The following HELB variants were observed in gnomAD, a reference collection of about 807,000 sequenced individuals.
HELB encodes the protein DNA helicase B.
In HELB, 96 loss-of-function variants were observed where a neutral mutation model predicts 101.7. The ratio of observed to expected loss-of-function variants is 0.94; its 90% CI spans 0.80 to 1.12. The LOEUF (loss-of-function observed/expected upper bound fraction) is 1.12. HELB is among the 50% of genes most tolerant of loss of function. The pLI, the probability that HELB is intolerant of heterozygous loss-of-function variation, is 0.00. For synonymous variants in HELB, 437 were observed against 459.7 expected, an observed-to-expected ratio of 0.95 and a Z score of 0.63; for missense variants, 1,210 against 1,291.9, an observed-to-expected ratio of 0.94 and a Z score of 0.97.
intron 4 of HELB, among the ~76,000 whole-genome samples, chr12:66,313,481 TAATA>T (rs1592635420): frequency 6.6e-6 from 1 of 152,196 alleles, no homozygotes. Flanking sequence ...TATTAAAAAA[TAATA>T]AATAGTATTA....
At chr12:66,303,107 T>TAA (rs34264841) in intron 1 of HELB, among the ~76,000 whole-genome samples, 80 of 127,610 alleles carry the variant, frequency 6.3e-4, no homozygotes, top group African/African-American at 2.2e-3. Flanking sequence ...TTTTTTTTTT[T>TAA]AAAATTATTC....
At chr12:66,335,982 C>A in intron 12 of HELB, among the ~76,000 whole-genome samples, 1 of 152,152 alleles carries the variant, frequency 6.6e-6, no homozygotes, top group Non-Finnish European at 1.5e-5. Context: ...CCTGTAGTAA[C>A]CTTGTTTGAC....
intron 5 of HELB, among the ~76,000 whole-genome samples, 173 bp from the exon 6 acceptor site, chr12:66,315,069 T>C (rs2053588349): frequency 6.6e-6 from 1 of 152,064 alleles, no homozygotes; most frequent in African/African-American, 2.4e-5. Context: ...GTATGAAAGA[T>C]GTTCTATTTA....
intron 12 of HELB, among the ~76,000 whole-genome samples, chr12:66,336,042 A>G (rs2053863015): frequency 6.6e-6 from 1 of 152,228 alleles, no homozygotes; most frequent in Non-Finnish European, 1.5e-5. Context: ...GATCTGCTAG[A>G]ACATTTGGTA....
intron 11 of HELB, among the ~76,000 whole-genome samples, chr12:66,329,878 A>G (rs2053784960): frequency 6.6e-6 from 1 of 152,216 alleles, no homozygotes; most frequent in South Asian, 2.1e-4. Context: ...GAGTGGTGCC[A>G]TATATCTGTG....
intron 11 of HELB, among the ~76,000 whole-genome samples, chr12:66,330,604 G>T (rs2053794425): frequency 6.8e-6 from 1 of 147,156 alleles, no homozygotes; most frequent in South Asian, 2.1e-4. Flanking sequence ...TTAAAATGTG[G>T]CTTTAAAGTA....
chr12:66,328,807 A>T (rs532098576), intron 11 of HELB, among the ~76,000 whole-genome samples: 3 of 148,518 alleles, frequency 2.0e-5, no homozygotes, highest in African/African-American at 7.3e-5. Context: ...TGTTAAAATG[A>T]TGATATTTTG....
At chr12:66,317,236 GTTTATGAA>G (rs1244132382) in intron 6 of HELB, among the ~76,000 whole-genome samples, 1 of 152,006 alleles carries the variant, frequency 6.6e-6, no homozygotes, top group Non-Finnish European at 1.5e-5. Context: ...TTTTAAGAAA[GTTTATGAA>G]TTTGTGTTGG....
At chr12:66,318,612 G>T (rs745903527) in intron 6 of HELB, 26 bp from the exon 7 acceptor site, 184 of 1,486,660 alleles carry the variant, frequency 1.2e-4, no homozygotes, top group Non-Finnish European at 1.6e-4. Flanking sequence ...AATGTTCTTT[G>T]TGTGTGTGTG....
intron 12 of HELB, among the ~76,000 whole-genome samples, chr12:66,337,201 G>A (rs917571305): frequency 6.6e-6 from 1 of 152,142 alleles, no homozygotes; most frequent in Admixed American, 6.5e-5. Context: ...AATGGACATA[G>A]TTGAGGGTGG....
intron 12 of HELB, among the ~76,000 whole-genome samples, chr12:66,333,610 G>A (rs1399691260): frequency 2.0e-5 from 3 of 151,976 alleles, no homozygotes; most frequent in Admixed American, 2.0e-4. Context: ...CTTGAACCCA[G>A]GAGGTAGAGG....
intron 10 of HELB, 62 bp from the exon 11 acceptor site, chr12:66,324,921 A>G: frequency 6.3e-7 from 1 of 1,588,096 alleles, no homozygotes; most frequent in Non-Finnish European, 8.6e-7. Flanking sequence ...AATATCTTTG[A>G]ACGTATTTGA....
chr12:66,335,183 C>T (rs1029477007), intron 12 of HELB, among the ~76,000 whole-genome samples: 6 of 152,068 alleles, frequency 3.9e-5, no homozygotes, highest in African/African-American at 1.2e-4. Flanking sequence ...TGAGTAAGTC[C>T]GTGGTTGGTA....
rs2053417480 is a variant in HELB at position 66,302,648 on chromosome 12, G to T, written c.45G>T (p.Leu15=). 6.2e-7 allele frequency: 1 copy of T among 1,614,164 alleles called. No individual in the cohort carries two copies. Among genetic ancestry groups the T allele is most frequent in the East Asian group, 2.2e-5 (1 of 44,878 alleles). Reference sequence around the variant, plus strand: ...ACCTGCGCCAACTTCAGGGACCTCTGCTCCCACCCAGGGATCTGGTGGAGG... The same window carrying T: ...ACCTGCGCCAACTTCAGGGACCTCTTCTCCCACCCAGGGATCTGGTGGAGG... ...SPYLRQLQGP[L]LPPRDLVEED... is the part of the protein sequence containing the mutation. The change falls in exon 1 of 13, where the codon CTG becomes CTT. Residue 15 remains leucine, a synonymous_variant. Transcript: ENST00000247815.
At chr12:66,309,245 G>A (rs1044092934) in intron 3 of HELB, among the ~76,000 whole-genome samples, 3 of 152,056 alleles carry the variant, frequency 2.0e-5, no homozygotes, top group African/African-American at 7.2e-5. Context: ...CACCTGTGGA[G>A]GTAATGGTAT....
rs765767694 is a variant in HELB at position 66,305,011 on chromosome 12, C to T, written c.468C>T (p.Asn156=). The change falls in exon 2 of 13, where the codon AAC becomes AAT. Residue 156 remains asparagine (N), a synonymous_variant. Coordinates refer to ENST00000247815, the MANE Select transcript of HELB (RefSeq NM_001370285.1). The part of the protein sequence containing the change: ...TWVKEVSNYK[N]LNFENLRETL... Reference sequence around the variant, plus strand: ...TAAAGGAGGTATCAAACTACAAAAACCTAAACTTTGAAAATCTTAGGGAAA... The same window carrying T: ...TAAAGGAGGTATCAAACTACAAAAATCTAAACTTTGAAAATCTTAGGGAAA... The T allele has an allele frequency of 1.2e-6, 2 of 1,613,774 alleles. No homozygotes were observed. The highest frequency in any genetic ancestry group is 2.2e-5 in the South Asian group (2 of 90,994).
chr12:66,338,963 G>A (rs1439014655), downstream of HELB: 1 of 152,150 alleles, frequency 6.6e-6, no homozygotes, highest in Non-Finnish European at 1.5e-5. Flanking sequence ...TTCCACTTAG[G>A]AAGGTTTTTT....
chr12:66,338,129 T>C lies in HELB; in HGVS notation c.*27T>C, dbSNP rs1201573749. 3 of 1,258,304 alleles carry C rather than the reference T, an allele frequency of 2.4e-6. No individual in the cohort carries two copies. Among genetic ancestry groups the C allele is most frequent in the Non-Finnish European group, 3.5e-6 (3 of 860,314 alleles). The allele number at this position is 1,258,304 out of a possible 1,614,324, so 77.9% of individuals were successfully genotyped here. ...TTTATTTCAAATTGTTCCGAGTAAC[T>C]ATGTTTTTCTATTGGAGACAAAATG... On this transcript the variant is annotated 3_prime_UTR_variant, in exon 13 of 13. Coordinates refer to ENST00000247815, the MANE Select transcript of HELB (RefSeq NM_001370285.1).
intron 6 of HELB, 29 bp downstream of exon 6, chr12:66,315,412 C>A: frequency 1.4e-6 from 2 of 1,445,952 alleles, no homozygotes; most frequent in Non-Finnish European, 1.8e-6. Context: ...TTTGCATTTT[C>A]TGTCTGTTGT....
Sources: allele counts gnomAD v4.1 joint callset (sites outside exome capture counted in the v4.1 genomes callset), GRCh38; gene constraint gnomAD v4.1.1; transcripts MANE v1.5; gene names NCBI Gene and HGNC (gene_info 2026-07-23, HGNC 2026-07-21).